RBMS3: variants seen among roughly 807,000 people sequenced by gnomAD.
RBMS3 encodes RNA binding motif single stranded interacting protein 3.
A neutral mutation model predicts 66.8 loss-of-function variants in RBMS3; 27 were observed. The observed-to-expected ratio is 0.40, with a 90% CI of 0.30 to 0.56. The LOEUF (loss-of-function observed/expected upper bound fraction) is 0.56, where lower values mean the gene tolerates loss of function less well. RBMS3 is among the 20% of genes least tolerant of loss of function. The pLI is 0.40. For synonymous variants in RBMS3, 188 were observed against 183.0 expected, an observed-to-expected ratio of 1.03 and a Z score of -0.22; for missense variants, 513 against 549.5, an observed-to-expected ratio of 0.93 and a Z score of 0.66.
At chr3:29,704,546 A>T (rs2052785329) in intron 4 of RBMS3, among the ~76,000 whole-genome samples, 1 of 152,240 alleles carries the variant, frequency 6.6e-6, no homozygotes, top group Non-Finnish European at 1.5e-5. Flanking sequence ...CAGTTGCCTC[A>T]TCTGTAAAAC....
At chr3:29,675,744 G>A (rs542068475) in intron 4 of RBMS3, among the ~76,000 whole-genome samples, 1 of 152,304 alleles carries the variant, frequency 6.6e-6, no homozygotes, top group South Asian at 2.1e-4. Context: ...TCTCATACCA[G>A]TTAGAATGAC....
At chr3:29,470,275 C>A (rs1350530198) in intron 2 of RBMS3, among the ~76,000 whole-genome samples, 2 of 151,774 alleles carry the variant, frequency 1.3e-5, no homozygotes, top group African/African-American at 4.8e-5. Context: ...CTTTAAAATA[C>A]CCAGCAATTA....
chr3:29,556,112 A>C (rs1253406110), intron 3 of RBMS3, among the ~76,000 whole-genome samples: 1 of 126,574 alleles, frequency 7.9e-6, no homozygotes, highest in Non-Finnish European at 1.7e-5. Flanking sequence ...GTGGTCTATC[A>C]GCCACAATAA....
chr3:29,485,063 G>A lies in RBMS3; in HGVS notation c.249-3378G>A, dbSNP rs536709445. On this transcript the variant is annotated intron_variant, in intron 2 of 14. Transcript: ENST00000383767. ...CCAATTTGATGTCTTCATAATTCAT[G>A]AAGAGTAGACCCATAATAACTCTAT... Among the ~76,000 whole-genome samples the A allele has an allele frequency of 2.6e-5, 4 of 152,228 alleles. No homozygotes were observed. The South Asian group carries it at 8.3e-4, about 32-fold the overall frequency.
At chr3:29,306,286 G>A (rs2034008823) in intron 1 of RBMS3, among the ~76,000 whole-genome samples, 1 of 151,886 alleles carries the variant, frequency 6.6e-6, no homozygotes, top group African/African-American at 2.4e-5. Flanking sequence ...TCTAGGAATA[G>A]CAGCTGTTCT....
chr3:29,349,523 T>G (rs371228950), intron 1 of RBMS3, among the ~76,000 whole-genome samples: 10 of 152,364 alleles, frequency 6.6e-5, no homozygotes, highest in African/African-American at 2.2e-4. Context: ...CCTCTGAAGC[T>G]CCTCTGTCTT....
chr3:29,965,235 A>G (rs1696749834), intron 12 of RBMS3, among the ~76,000 whole-genome samples: 1 of 152,178 alleles, frequency 6.6e-6, no homozygotes, highest in South Asian at 2.1e-4. Context: ...CTCTGGGTAG[A>G]TAACCAGTAG....
chr3:29,759,457 G>A (rs1343845860), intron 5 of RBMS3, among the ~76,000 whole-genome samples: 1 of 152,126 alleles, frequency 6.6e-6, no homozygotes, highest in Non-Finnish European at 1.5e-5. Context: ...GACGCAAGGG[G>A]TTTCAGGTAC....
At chr3:29,631,077 G>A (rs973455507) in intron 4 of RBMS3, among the ~76,000 whole-genome samples, 1 of 151,650 alleles carries the variant, frequency 6.6e-6, no homozygotes, top group African/African-American at 2.4e-5. Flanking sequence ...TATTTTAAGA[G>A]GTATTTAGTT....
chr3:29,405,007 T>G (rs1054934949), intron 1 of RBMS3, among the ~76,000 whole-genome samples: 1 of 152,126 alleles, frequency 6.6e-6, no homozygotes, highest in African/African-American at 2.4e-5. Context: ...AAGAAAACAT[T>G]TATCTAGAGT....
intron 4 of RBMS3, among the ~76,000 whole-genome samples, chr3:29,688,783 C>G (rs1427512708): frequency 6.6e-6 from 1 of 151,524 alleles, no homozygotes; most frequent in Non-Finnish European, 1.5e-5. Context: ...GGGTTTCACT[C>G]TGTTGGCCAG....
chr3:29,975,008 A>G, intron 12 of RBMS3, among the ~76,000 whole-genome samples: 1 of 106,074 alleles, frequency 9.4e-6, no homozygotes, highest in Non-Finnish European at 1.8e-5. Context: ...TTCTATATTT[A>G]TTTTATATAT....
chr3:29,745,014 AC>A (rs917748641), intron 5 of RBMS3, among the ~76,000 whole-genome samples: 8 of 150,958 alleles, frequency 5.3e-5, no homozygotes, highest in Non-Finnish European at 1.2e-4. Context: ...ACTGGAAAGA[AC>A]CCCCCCGCCT....
intron 11 of RBMS3, 48 bp downstream of exon 11, chr3:29,936,244 G>A: frequency 6.5e-7 from 1 of 1,528,508 alleles, no homozygotes; most frequent in East Asian, 2.3e-5. Flanking sequence ...TTGATCAGAT[G>A]TGATATTCTC....
chr3:29,953,541 G>C (rs1209997386), intron 12 of RBMS3, among the ~76,000 whole-genome samples: 1 of 151,888 alleles, frequency 6.6e-6, no homozygotes, highest in African/African-American at 2.4e-5. Context: ...AAATATAGCA[G>C]AATATTAAAT....
chr3:29,812,303 C>T (rs938684632), intron 6 of RBMS3, among the ~76,000 whole-genome samples: 1 of 152,100 alleles, frequency 6.6e-6, no homozygotes, highest in Non-Finnish European at 1.5e-5. Flanking sequence ...GGGAGAGAGC[C>T]ATTACCCTGC....
chr3:29,290,407 C>A (rs569149876), intron 1 of RBMS3, among the ~76,000 whole-genome samples: 6 of 151,822 alleles, frequency 4.0e-5, no homozygotes, highest in South Asian at 4.2e-4. Flanking sequence ...GACCTATGGC[C>A]TTTAATTTCT....
At chr3:29,475,756 T>C (rs1381655483) in intron 2 of RBMS3, among the ~76,000 whole-genome samples, 1 of 152,158 alleles carries the variant, frequency 6.6e-6, no homozygotes, top group East Asian at 1.9e-4. Flanking sequence ...GTCATAGATA[T>C]TTCAAGAAAG....
chr3:29,629,832 A>G (rs575077907), intron 4 of RBMS3, among the ~76,000 whole-genome samples: 1 of 152,236 alleles, frequency 6.6e-6, no homozygotes, highest in African/African-American at 2.4e-5. Flanking sequence ...TATCTATTCT[A>G]GACTAACGTG....
Sources: gnomAD v4.1 joint callset for allele counts (sites outside exome capture counted in the v4.1 genomes callset) on GRCh38, gnomAD v4.1.1 for gene constraint, MANE v1.5 for transcripts, NCBI Gene and HGNC (gene_info 2026-07-23, HGNC 2026-07-21) for gene names.